Variants in MMP20 observed in about 807,000 individuals in gnomAD.
MMP20 encodes matrix metalloproteinase-20.
Under a neutral mutation model 51.8 loss-of-function variants are expected in MMP20, and 50 were observed. That is an observed-to-expected ratio of 0.97 (90% CI 0.77 to 1.22). The LOEUF (loss-of-function observed/expected upper bound fraction) is 1.22, where lower values mean the gene tolerates loss of function less well. Ranked by LOEUF, MMP20 falls within the 50% of genes most tolerant of loss-of-function variation. MMP20 has a pLI of 0.00. For missense variants in MMP20, 663 were observed against 601.4 expected (o/e 1.10, Z -1.07); for synonymous variants, 244 against 216.2 (o/e 1.13, Z -1.13).
intron 6 of MMP20, among the ~76,000 whole-genome samples, chr11:102,603,001 AT>A (rs1341200890): frequency 6.6e-6 from 1 of 152,252 alleles, no homozygotes; most frequent in African/African-American, 2.4e-5. Flanking sequence ...AGCTATATAT[AT>A]GCCTCTCAAC....
chr11:102,598,075 C>T (rs1859403711), intron 6 of MMP20, among the ~76,000 whole-genome samples: 1 of 151,994 alleles, frequency 6.6e-6, no homozygotes, highest in Non-Finnish European at 1.5e-5. Flanking sequence ...CAAATTATCA[C>T]AAATTTCAAA....
chr11:102,605,904 G>A (rs566462506), intron 6 of MMP20, among the ~76,000 whole-genome samples: 1 of 152,272 alleles, frequency 6.6e-6, no homozygotes, highest in South Asian at 2.1e-4. Flanking sequence ...CAAGAAACCA[G>A]AGTTGGGGGA....
intron 3 of MMP20, 122 bp from the exon 4 acceptor site, chr11:102,610,152 T>C: frequency 8.8e-7 from 1 of 1,130,502 alleles, no homozygotes. Flanking sequence ...TTTTCAGTAT[T>C]TATTTGTTAT....
intron 8 of MMP20, among the ~76,000 whole-genome samples, chr11:102,586,180 T>A (rs1361328082): frequency 6.6e-6 from 1 of 152,234 alleles, no homozygotes; most frequent in Admixed American, 6.5e-5. Context: ...GTATTAATTC[T>A]GTTCTTTTCT....
chr11:102,577,496 A>G, intron 9 of MMP20, 70 bp from the exon 10 acceptor site: 1 of 1,084,904 alleles, frequency 9.2e-7, no homozygotes. Flanking sequence ...AGAATTTGTC[A>G]CTGTCACTTT....
chr11:102,585,002 TCA>T (rs1859238704), intron 8 of MMP20, among the ~76,000 whole-genome samples: 1 of 152,188 alleles, frequency 6.6e-6, no homozygotes, highest in African/African-American at 2.4e-5. Context: ...TATGCAAATA[TCA>T]CAGTCTTAGT....
chr11:102,594,585 C>T (rs1859357265), intron 7 of MMP20, 36 bp downstream of exon 7: 12 of 1,611,956 alleles, frequency 7.4e-6, no homozygotes, highest in Non-Finnish European at 1.0e-5. Context: ...GCACTGCAGC[C>T]CTGCCATTTC....
intron 8 of MMP20, among the ~76,000 whole-genome samples, chr11:102,588,831 C>T (rs780235764): frequency 6.6e-6 from 1 of 152,098 alleles, no homozygotes; most frequent in Non-Finnish European, 1.5e-5. Flanking sequence ...TTTATTTCTC[C>T]TTCATTTTTG....
intron 2 of MMP20, among the ~76,000 whole-genome samples, chr11:102,614,316 G>C (rs1178301248): frequency 6.6e-6 from 1 of 152,184 alleles, no homozygotes; most frequent in East Asian, 1.9e-4. Context: ...AGAGTACTGT[G>C]ATAGCCTCTA....
chr11:102,596,648 CTG>C (rs1591613765), intron 6 of MMP20, among the ~76,000 whole-genome samples: 1 of 152,194 alleles, frequency 6.6e-6, no homozygotes, highest in East Asian at 1.9e-4. Flanking sequence ...TGATGAAAAA[CTG>C]AGATCCAGAA....
At chr11:102,585,198 G>A (rs1164970383) in intron 8 of MMP20, among the ~76,000 whole-genome samples, 4 of 151,994 alleles carry the variant, frequency 2.6e-5, no homozygotes, top group African/African-American at 7.2e-5. Context: ...ATCAATTTGG[G>A]GACTACTATC....
chr11:102,578,608 C>A (rs184988126), intron 9 of MMP20, among the ~76,000 whole-genome samples: 1 of 152,104 alleles, frequency 6.6e-6, no homozygotes, highest in Non-Finnish European at 1.5e-5. Context: ...TGGTGGCCAG[C>A]GCCTGTAGTC....
At chr11:102,580,148 G>C (rs1859176487) in intron 8 of MMP20, among the ~76,000 whole-genome samples, 1 of 152,136 alleles carries the variant, frequency 6.6e-6, no homozygotes, top group Non-Finnish European at 1.5e-5. Flanking sequence ...TCTTTTTCTG[G>C]ATCAGCAACC....
At chr11:102,623,430 G>C (rs2464353) in intron 1 of MMP20, among the ~76,000 whole-genome samples, 6 of 151,424 alleles carry the variant, frequency 4.0e-5, no homozygotes, top group African/African-American at 1.5e-4. Context: ...TGAACTGCAT[G>C]TGTGAGGGAC....
At chr11:102,587,094 T>G (rs1253282642) in intron 8 of MMP20, among the ~76,000 whole-genome samples, 1 of 152,174 alleles carries the variant, frequency 6.6e-6, no homozygotes, top group East Asian at 1.9e-4. Flanking sequence ...ATAGCTATAA[T>G]TTTTTTCTCT....
chr11:102,611,833 A>G lies in MMP20; in HGVS notation c.445T>C (p.Trp149Arg), dbSNP rs1254476500. The G allele has an allele frequency of 6.2e-7, 1 of 1,614,242 alleles. No homozygotes were observed. Among genetic ancestry groups the G allele is most frequent in the East Asian group, 2.2e-5 (1 of 44,888 alleles). Residue 149 changes from tryptophan (W) to arginine (R), a missense_variant, in exon 3 of 10, where the codon TGG becomes CGG. By Grantham distance (101) the Trp-to-Arg change is moderately radical. Transcript: ENST00000260228. ...DKAVEMALQA[W>R]SSAVPLSFVR... ...AAGCTCAGAGGGACGGCGCTACTCC[A>G]GGCCTGCAAGGCCATCTCCACTGCT...
intron 8 of MMP20, among the ~76,000 whole-genome samples, chr11:102,581,244 T>C (rs545636644): frequency 9.0e-4 from 137 of 152,146 alleles, no homozygotes; most frequent in African/African-American, 3.2e-3. Context: ...CAGCAGTCTT[T>C]GTCATTTATT....
At chr11:102,577,532 G>C (rs2135925591) in intron 9 of MMP20, 106 bp from the exon 10 acceptor site, 1 of 808,960 alleles carries the variant, frequency 1.2e-6, no homozygotes, top group Non-Finnish European at 2.1e-6. Flanking sequence ...AAGAGGAATT[G>C]TGAATTTGTC....
intron 5 of MMP20, among the ~76,000 whole-genome samples, chr11:102,608,302 T>C (rs17098928): frequency 0.052 from 7,861 of 152,348 alleles, 328 homozygotes; most frequent in African/African-American, 0.12. Context: ...TGGTTTGTTT[T>C]TCCCTTAAGG....
Sources: allele counts gnomAD v4.1 joint callset (sites outside exome capture counted in the v4.1 genomes callset), GRCh38; gene constraint gnomAD v4.1.1; transcripts MANE v1.5; gene names NCBI Gene and HGNC (gene_info 2026-07-23, HGNC 2026-07-21).